ZNRF1: variants seen among roughly 807,000 people sequenced by gnomAD.
ZNRF1 encodes the protein zinc and ring finger 1, also known as E3 ubiquitin-protein ligase ZNRF1.
In ZNRF1, 3 loss-of-function variants were observed where a neutral mutation model predicts 18.4. That is an observed-to-expected ratio of 0.16 (90% CI 0.07 to 0.42). The LOEUF (loss-of-function observed/expected upper bound fraction) is 0.42. Among genes scored for constraint, ZNRF1 ranks in the 10% least tolerant of loss-of-function variants. ZNRF1 has a pLI of 0.99. For missense variants in ZNRF1, 310 were observed against 329.8 expected (o/e 0.94, Z 0.47); for synonymous variants, 157 against 144.2 (o/e 1.09, Z -0.64).
At chr16:75,061,812 G>T (rs185882483) in intron 1 of ZNRF1, among the ~76,000 whole-genome samples, 1 of 152,296 alleles carries the variant, frequency 6.6e-6, no homozygotes, top group Admixed American at 6.5e-5. Context: ...CGTCTTGTCA[G>T]CAGCTTGGTT....
intron 1 of ZNRF1, among the ~76,000 whole-genome samples, chr16:75,040,715 T>TC (rs1349739967): frequency 1.4e-5 from 2 of 147,444 alleles, no homozygotes; most frequent in African/African-American, 5.0e-5. Context: ...CAAGTGATTC[T>TC]CCTGGCTTAG....
At chr16:75,077,989 GTAA>G (rs1394345154) in intron 1 of ZNRF1, among the ~76,000 whole-genome samples, 3 of 152,204 alleles carry the variant, frequency 2.0e-5, no homozygotes, top group Non-Finnish European at 4.4e-5. Flanking sequence ...GCCATGTAAG[GTAA>G]ACATTCACAG....
chr16:75,022,589 A>G (rs1457005901), intron 1 of ZNRF1, among the ~76,000 whole-genome samples: 1 of 152,094 alleles, frequency 6.6e-6, no homozygotes, highest in East Asian at 1.9e-4. Flanking sequence ...AACAAAAAAC[A>G]CAAATTAATT....
At chr16:75,043,950 C>T (rs533796258) in intron 1 of ZNRF1, among the ~76,000 whole-genome samples, 7 of 151,830 alleles carry the variant, frequency 4.6e-5, no homozygotes, top group East Asian at 1.9e-4. Flanking sequence ...CCACCATACC[C>T]GGCTAATTTT....
At chr16:75,098,397 G>A (rs182101640) in intron 2 of ZNRF1, among the ~76,000 whole-genome samples, 6 of 152,322 alleles carry the variant, frequency 3.9e-5, no homozygotes, top group Admixed American at 2.0e-4. Context: ...TCCTCATTGC[G>A]GGTGGCCCAG....
intron 1 of ZNRF1, among the ~76,000 whole-genome samples, chr16:75,033,672 A>G (rs1178914534): frequency 6.6e-6 from 1 of 152,048 alleles, no homozygotes; most frequent in Admixed American, 6.6e-5. Context: ...CCTGACCTCA[A>G]GTGATCTGTT....
intron 1 of ZNRF1, among the ~76,000 whole-genome samples, chr16:75,049,646 A>G (rs2035565192): frequency 6.6e-6 from 1 of 152,172 alleles, no homozygotes; most frequent in Non-Finnish European, 1.5e-5. Context: ...AAAATGCAAA[A>G]AACAAATTTC....
chr16:75,084,819 C>T (rs2036055346), intron 1 of ZNRF1, among the ~76,000 whole-genome samples: 1 of 152,182 alleles, frequency 6.6e-6, no homozygotes, highest in Admixed American at 6.5e-5. Flanking sequence ...CCCACCCACT[C>T]TACTTGGCTT....
intron 1 of ZNRF1, among the ~76,000 whole-genome samples, chr16:75,043,162 G>GT (rs1232208230): frequency 1.3e-5 from 2 of 152,162 alleles, no homozygotes; most frequent in African/African-American, 4.8e-5. Context: ...TTTTAAAGCC[G>GT]TATTTATACC....
intron 1 of ZNRF1, among the ~76,000 whole-genome samples, chr16:75,077,761 C>T (rs1035018234): frequency 6.6e-6 from 1 of 152,114 alleles, no homozygotes; most frequent in Non-Finnish European, 1.5e-5. Flanking sequence ...AATCCATTTC[C>T]TTGTCTTTCC....
At position 75,046,602 on chromosome 16, in the gene ZNRF1, G is replaced by A. The variant is rs181621423; in HGVS notation, c.424+46507G>A. Among the ~76,000 whole-genome samples the A allele has an allele frequency of 3.6e-3, 553 of 151,888 alleles. 3 individuals are homozygous for A. Among genetic ancestry groups the A allele is most frequent in the African/African-American group, 0.012 (504 of 41,412 alleles). On this transcript the variant is annotated intron_variant, in intron 1 of 4. Coordinates refer to ENST00000335325, the MANE Select transcript of ZNRF1 (RefSeq NM_032268.5). The stretch of plus-strand genomic sequence containing the variant: ...TATTTTTTTATTTTTTTGAGACTGA[G>A]TCTCGCTCTGTCGCCCAGGCTGGAG...
intron 1 of ZNRF1, among the ~76,000 whole-genome samples, chr16:75,005,438 A>C (rs2034905186): frequency 6.6e-6 from 1 of 152,216 alleles, no homozygotes; most frequent in South Asian, 2.1e-4. Flanking sequence ...CACAAGGAAT[A>C]CTTAGGCCAT....
intron 1 of ZNRF1, among the ~76,000 whole-genome samples, chr16:75,001,972 T>C (rs2034856849): frequency 6.6e-6 from 1 of 152,098 alleles, no homozygotes; most frequent in Non-Finnish European, 1.5e-5. Flanking sequence ...GGGAAGGGTG[T>C]CAAAAGTGTG....
chr16:75,104,727 A>G lies in ZNRF1; in HGVS notation c.521-57A>G. ...TAGTTCCTAGGCCCTTGCTTGCCCCATGCCACCTGTCCACTGGTGACTAAC... is the reference window on the plus strand; with the variant it reads ...TAGTTCCTAGGCCCTTGCTTGCCCCGTGCCACCTGTCCACTGGTGACTAAC... On this transcript the variant is annotated intron_variant, in intron 2 of 4. Coordinates refer to ENST00000335325, the MANE Select transcript of ZNRF1 (RefSeq NM_032268.5). 7.4e-6 allele frequency: 11 copies of G among 1,490,730 alleles called. 1 individual carries two copies. The highest frequency in any genetic ancestry group is 1.0e-5 in the Non-Finnish European group (11 of 1,092,244). The allele number at this position is 1,490,730 out of a possible 1,614,324, so 92.3% of individuals were successfully genotyped here. A position where few individuals can be genotyped will look rare whatever the true frequency, so the allele number is the denominator to read the frequency against.
At chr16:75,080,055 A>T (rs1340073830) in intron 1 of ZNRF1, among the ~76,000 whole-genome samples, 1 of 152,212 alleles carries the variant, frequency 6.6e-6, no homozygotes, top group South Asian at 2.1e-4. Flanking sequence ...AGCTGGGATT[A>T]TAGGCACCCG....
intron 3 of ZNRF1, chr16:75,105,091 G>C (rs1184086835): frequency 1.9e-6 from 1 of 516,002 alleles, no homozygotes; most frequent in African/African-American, 1.9e-5. Flanking sequence ...GAGCAGAGTG[G>C]AGTTGCCAGA....
chr16:75,068,635 G>T (rs774287571), intron 1 of ZNRF1, among the ~76,000 whole-genome samples: 1 of 152,050 alleles, frequency 6.6e-6, no homozygotes, highest in Non-Finnish European at 1.5e-5. Context: ...ACTACCCCAG[G>T]TGTGTGTGAG....
At chr16:75,059,042 C>G (rs1056090850) in intron 1 of ZNRF1, among the ~76,000 whole-genome samples, 1 of 152,072 alleles carries the variant, frequency 6.6e-6, no homozygotes, top group African/African-American at 2.4e-5. Flanking sequence ...AAGGAAGCCT[C>G]AGAATGTGTC....
intron 1 of ZNRF1, among the ~76,000 whole-genome samples, chr16:75,093,098 A>G (rs2036158555): frequency 6.6e-6 from 1 of 152,164 alleles, no homozygotes. Flanking sequence ...ATAAAAGGCA[A>G]ATGCCACCGG....
Sources: gnomAD v4.1 joint callset for allele counts (sites outside exome capture counted in the v4.1 genomes callset) on GRCh38, gnomAD v4.1.1 for gene constraint, MANE v1.5 for transcripts, NCBI Gene and HGNC (gene_info 2026-07-23, HGNC 2026-07-21) for gene names.